The following MYH6 variants were observed in gnomAD, a reference collection of about 807,000 sequenced individuals.
MYH6 encodes myosin heavy chain 6.
In MYH6, 126 loss-of-function variants were observed where a neutral mutation model predicts 223.2. The observed-to-expected ratio is 0.56, with a 90% CI of 0.49 to 0.65. The LOEUF (loss-of-function observed/expected upper bound fraction) is 0.65, where lower values mean the gene tolerates loss of function less well. MYH6 is among the 30% of genes least tolerant of loss of function. The pLI is 0.00. For missense variants in MYH6, 2,040 were observed against 2,536.4 expected (o/e 0.80, Z 4.20); for synonymous variants, 978 against 1,010.2 (o/e 0.97, Z 0.61).
Position 23,385,957 on chromosome 14 carries a change from T to G in MYH6, c.5134A>C (p.Ser1712Arg). 6.8e-6 allele frequency: 11 copies of G among 1,614,246 alleles called. No individual in the cohort carries two copies. The highest frequency in any genetic ancestry group is 9.3e-6 in the Non-Finnish European group (11 of 1,180,046). ...KLAEQELIET[S>R]ERVQLLHSQN... ...GAATGCAGCAGCTGCACCCGCTCGC[T>G]GGTCTCAATCAGCTCCTGCTCCGCC... The change falls in exon 34 of 39, where the codon AGC becomes CGC. Residue 1712 changes from serine (S) to arginine (R), a missense_variant. Coordinates refer to ENST00000405093, the MANE Select transcript of MYH6 (RefSeq NM_002471.4).
chr14:23,386,156 A>C, intron 33 of MYH6, 25 bp from the exon 34 acceptor site: 1 of 1,614,094 alleles, frequency 6.2e-7, no homozygotes, highest in Non-Finnish European at 8.5e-7. Context: ...AGTGGGTGTG[A>C]GCAGAAGCCA....
chr14:23,384,672 C>A lies in MYH6; in HGVS notation c.5335G>T (p.Ala1779Ser), dbSNP rs777220078. Residue 1779 changes from alanine (A) to serine (S), a missense_variant, in exon 36 of 39, where the codon GCC becomes TCC. By Grantham distance (99) the Ala-to-Ser change is moderately conservative. Around this residue, in one of 4 missense-constraint regions of MYH6, gnomAD observed 1,203 missense variants for 1,400.2 expected, o/e 0.86. Coordinates refer to ENST00000405093, the MANE Select transcript of MYH6 (RefSeq NM_002471.4). ...EELKKEQDTSAHLERMKKNME... is the reference protein window; with the variant it reads ...EELKKEQDTSSHLERMKKNME... ...TTCTTCTTCATGCGCTCCAGGTGGG[C>A]GCTGGTGTCCTGCTCCTTCTTCAGC... 6.2e-7 allele frequency: 1 copy of A among 1,614,258 alleles called. No individual in the cohort carries two copies. The highest frequency in any genetic ancestry group is 8.5e-7 in the Non-Finnish European group (1 of 1,180,056).
chr14:23,393,247 A>G (rs533950011), intron 23 of MYH6, 95 bp downstream of exon 23: 12 of 1,536,822 alleles, frequency 7.8e-6, no homozygotes, highest in Non-Finnish European at 1.1e-5. Context: ...TTCAGGGGCC[A>G]TAGAAGTTAA....
chr14:23,393,287 G>C (rs758803736), intron 23 of MYH6, 55 bp downstream of exon 23: 24 of 1,606,286 alleles, frequency 1.5e-5, no homozygotes, highest in Non-Finnish European at 1.9e-5. Context: ...CTGGGCCATT[G>C]GTGTTGCCTG....
Position 23,387,655 on chromosome 14 carries a change from T to C in MYH6, c.4526-2A>G. 1 of 1,614,112 alleles carries C rather than the reference T, an allele frequency of 6.2e-7. No individual in the cohort carries two copies. Among genetic ancestry groups the C allele is most frequent in the Non-Finnish European group, 8.5e-7 (1 of 1,180,000 alleles). On this transcript the variant is annotated splice_acceptor_variant, in intron 31 of 38. Coordinates refer to ENST00000405093, the MANE Select transcript of MYH6 (RefSeq NM_002471.4). LOFTEE classifies it high-confidence loss of function. ...GCTCAGTAAGGTCCGAGATTTCCTC[T>C]GGGGACCAGAGGGCCAGAAAGCTCA... is the stretch of plus-strand genomic sequence containing the variant.
intron 15 of MYH6, 68 bp from the exon 16 acceptor site, chr14:23,397,681 G>A (rs1891440840): frequency 3.4e-6 from 5 of 1,479,686 alleles, no homozygotes; most frequent in Middle Eastern, 3.4e-4. Flanking sequence ...CAGAGGCAGA[G>A]CTCTGCTGCT....
rs1566503951 is a variant in MYH6 at position 23,383,340 on chromosome 14, A to AG, written c.5566-21dup. ...CTCTGTCTGGGGGTGGGAGGGTGGG[A>AG]GAAGCTGGTTTGGAGGGGGAGCAAA... On this transcript the variant is annotated intron_variant, in intron 36 of 38. Transcript: ENST00000405093. The AG allele has an allele frequency of 2.1e-6, 1 of 472,838 alleles. No homozygotes were observed. Among genetic ancestry groups the AG allele is most frequent in the East Asian group, 6.2e-5 (1 of 16,232 alleles). 29.3% of individuals were successfully genotyped at this position (472,838 alleles called of 1,614,324 possible).
intron 12 of MYH6, 87 bp downstream of exon 12, chr14:23,402,377 A>T (rs907225055): frequency 5.7e-6 from 9 of 1,588,486 alleles, no homozygotes; most frequent in Non-Finnish European, 6.8e-6. Context: ...CTGCCCCACA[A>T]GCCTCAGAGT....
Position 23,389,517 on chromosome 14 carries a change from G to A in MYH6, c.3860-6C>T. 4 of 1,614,234 alleles carry A rather than the reference G, an allele frequency of 2.5e-6. No homozygotes were observed. Among genetic ancestry groups the A allele is most frequent in the South Asian group, 1.1e-5 (1 of 91,082 alleles). Reference sequence around the variant, plus strand: ...TAGCTGCCGGGCCAACTCTCCTGGAGGTGAAATGAGGGGCTTGTGGGCCAT... The same window carrying A: ...TAGCTGCCGGGCCAACTCTCCTGGAAGTGAAATGAGGGGCTTGTGGGCCAT... On this transcript the variant is annotated splice_polypyrimidine_tract_variant and splice_region_variant and intron_variant, in intron 27 of 38. Coordinates refer to ENST00000405093, the MANE Select transcript of MYH6 (RefSeq NM_002471.4).
intron 6 of MYH6, 123 bp from the exon 7 acceptor site, chr14:23,404,945 A>G: frequency 6.7e-7 from 1 of 1,491,866 alleles, no homozygotes; most frequent in East Asian, 2.3e-5. Context: ...GATTTGCCTG[A>G]CATGGTTCAT....
chr14:23,382,131 TG>T, intron 38 of MYH6, 68 bp from the exon 39 acceptor site: 3 of 1,476,426 alleles, frequency 2.0e-6, no homozygotes, highest in Non-Finnish European at 2.8e-6. Flanking sequence ...GACAAATCCC[TG>T]GGGCTTTCAG....
intron 9 of MYH6, 112 bp downstream of exon 9, chr14:23,403,603 G>A: frequency 1.6e-6 from 2 of 1,225,526 alleles, no homozygotes; most frequent in Non-Finnish European, 2.4e-6. Context: ...CTAAAGCCCA[G>A]AGGCAAATGC....
rs375891567 is a variant in MYH6, at chr14:23,396,439, T to C, written c.2293-19A>G. The C allele has an allele frequency of 1.0e-4, 168 of 1,612,914 alleles. No individual in the cohort carries two copies. The highest frequency in any genetic ancestry group is 1.4e-4 in the Non-Finnish European group (164 of 1,179,948). On this transcript the variant is annotated intron_variant, in intron 19 of 38. Coordinates refer to ENST00000405093, the MANE Select transcript of MYH6 (RefSeq NM_002471.4). ...AGAACACCTGCAGGCAAGGGGTAGA[T>C]GCAACAGGCCGCAGCCTCAGAGGGG...
intron 12 of MYH6, among the ~76,000 whole-genome samples, chr14:23,401,642 T>A (rs1478084693): frequency 6.6e-6 from 1 of 152,232 alleles, no homozygotes; most frequent in Admixed American, 6.5e-5. Context: ...GCTGAGGGGC[T>A]AGATGTCCTC....
Position 23,399,048 on chromosome 14 carries a change from G to C in MYH6, c.1582-11C>G. 1.2e-6 allele frequency: 2 copies of C among 1,613,940 alleles called. No individual in the cohort carries two copies. The highest frequency in any genetic ancestry group is 1.7e-6 in the Non-Finnish European group (2 of 1,179,882). ...CATGATGCCCATGGGCTGAGGGCAG[G>C]GTGAAGAGGCAAAGAGAGAATCACT... On this transcript the variant is annotated splice_polypyrimidine_tract_variant and intron_variant, in intron 14 of 38. Coordinates refer to ENST00000405093, the MANE Select transcript of MYH6 (RefSeq NM_002471.4).
intron 9 of MYH6, 116 bp from the exon 10 acceptor site, chr14:23,403,562 G>A (rs1023151473): frequency 3.4e-6 from 4 of 1,164,766 alleles, no homozygotes; most frequent in Non-Finnish European, 5.2e-6. Context: ...AGAGGGCCAG[G>A]CGAGAAGATG....
intron 34 of MYH6, among the ~76,000 whole-genome samples, chr14:23,385,624 C>A (rs1039719643): frequency 6.6e-6 from 1 of 152,094 alleles, no homozygotes; most frequent in Non-Finnish European, 1.5e-5. Flanking sequence ...AAACTCTCAT[C>A]TTTACAGAGC....
Position 23,405,621 on chromosome 14 carries a change from A to G in MYH6, c.345+6T>C, listed in dbSNP as rs955822229. ...GAAGCCTCTGCAGTGTGCAGGAGCCACTCACATATATCATCCAGGCCGCGT... is the reference window on the plus strand; with the variant it reads ...GAAGCCTCTGCAGTGTGCAGGAGCCGCTCACATATATCATCCAGGCCGCGT... On this transcript the variant is annotated splice_donor_region_variant and intron_variant, in intron 4 of 38. Coordinates refer to ENST00000405093, the MANE Select transcript of MYH6 (RefSeq NM_002471.4). This position sits in a 1 kb window ranked among gnomAD's most constrained non-coding sequence, Gnocchi z 4.7. The G allele has an allele frequency of 6.2e-7, 1 of 1,613,992 alleles. No homozygotes were observed. Among genetic ancestry groups the G allele is most frequent in the South Asian group, 1.1e-5 (1 of 91,074 alleles).
chr14:23,396,455 C>A, intron 19 of MYH6, 35 bp from the exon 20 acceptor site: 1 of 1,611,310 alleles, frequency 6.2e-7, no homozygotes, highest in Non-Finnish European at 8.5e-7. Context: ...AGGCCGCAGC[C>A]TCAGAGGGGA....
Sources: allele counts gnomAD v4.1 joint callset (sites outside exome capture counted in the v4.1 genomes callset), GRCh38; gene constraint gnomAD v4.1.1; regional missense constraint gnomAD v4.1.1; non-coding constraint Gnocchi (gnomAD v3.1); transcripts MANE v1.5; gene names NCBI Gene and HGNC (gene_info 2026-07-23, HGNC 2026-07-21).